Variants in SLC17A4 observed in about 807,000 individuals in gnomAD.
SLC17A4 encodes the protein probable small intestine urate exporter.
SLC17A4 carries 33 observed loss-of-function variants against 52.5 expected under a neutral mutation model. The ratio of observed to expected loss-of-function variants is 0.63; its 90% confidence interval spans 0.48 to 0.84. SLC17A4 has a LOEUF of 0.84. SLC17A4 is among the 40% of genes least tolerant of loss of function. SLC17A4 has a pLI of 0.00. For missense variants in SLC17A4, 585 were observed against 597.1 expected, an observed-to-expected ratio of 0.98 and a Z score of 0.21; for synonymous variants, 225 against 216.2, an observed-to-expected ratio of 1.04 and a Z score of -0.36.
intron 1 of SLC17A4, among the ~76,000 whole-genome samples, chr6:25,755,048 T>TACAC (rs35878702): frequency 0.043 from 6,194 of 144,992 alleles, 296 homozygotes; most frequent in African/African-American, 0.12. Flanking sequence ...CACACACACA[T>TACAC]ACACACACAC....
intron 11 of SLC17A4, 47 bp downstream of exon 11, chr6:25,778,063 G>A (rs1581432485): frequency 7.7e-7 from 1 of 1,295,382 alleles, no homozygotes; most frequent in Non-Finnish European, 1.1e-6. Context: ...AACCTATAGA[G>A]GCATGGTTTT....
intron 8 of SLC17A4, 62 bp from the exon 9 acceptor site, chr6:25,776,533 T>C (rs1762933654): frequency 1.3e-6 from 2 of 1,535,878 alleles, no homozygotes; most frequent in Non-Finnish European, 1.8e-6. Context: ...CTGTCCAAGG[T>C]TGTCTGTGTC....
At chr6:25,777,000 C>A in intron 10 of SLC17A4, 41 bp downstream of exon 10, 1 of 1,565,750 alleles carries the variant, frequency 6.4e-7, no homozygotes, top group South Asian at 1.2e-5. Flanking sequence ...ACACTCAATT[C>A]AAGTCTAGCA....
In SLC17A4 at chr6:25,770,374, T is replaced by C; in HGVS notation, c.532-10T>C. On this transcript the variant is annotated splice_polypyrimidine_tract_variant and intron_variant, in intron 4 of 11. Coordinates refer to ENST00000377905, the MANE Select transcript of SLC17A4 (RefSeq NM_005495.3). ...CCTCAGATCTCCAAGAATGGAATTT[T>C]TCCCCCCAGGTTATGGTATTAACTG... is the stretch of plus-strand genomic sequence containing the variant. 1.2e-6 allele frequency: 2 copies of C among 1,614,130 alleles called. No homozygotes were observed. The highest frequency in any genetic ancestry group is 1.7e-6 in the Non-Finnish European group (2 of 1,179,960).
At chr6:25,769,604 CATA>C (rs1447783186) in intron 3 of SLC17A4, among the ~76,000 whole-genome samples, 1 of 150,766 alleles carries the variant, frequency 6.6e-6, no homozygotes, top group East Asian at 1.9e-4. Flanking sequence ...GAATAAAGAA[CATA>C]ATAAGTATCT....
At position 25,761,941 on chromosome 6, in the gene SLC17A4, T is replaced by G. The variant is rs1761573552; in HGVS notation, c.-22T>G. ...TTTTATTTCAGTAAGTAAATGCCAG[T>G]CCCTAGGAAGAGAGAACCAAAATGT... On this transcript the variant is annotated 5_prime_UTR_variant, in exon 2 of 12. Transcript: ENST00000377905. 1.9e-6 allele frequency: 3 copies of G among 1,596,906 alleles called. No individual in the cohort carries two copies. In the East Asian group the frequency reaches 6.7e-5, roughly 36 times the overall value.
chr6:25,775,331 T>A (rs1472864497), intron 8 of SLC17A4, among the ~76,000 whole-genome samples: 2 of 147,690 alleles, frequency 1.4e-5, no homozygotes, highest in African/African-American at 2.5e-5. Flanking sequence ...AAACTCTGTC[T>A]AAAAAAAAAA....
At chr6:25,773,902 C>T (rs6456701) in intron 8 of SLC17A4, among the ~76,000 whole-genome samples, 138,312 of 152,184 alleles carry the variant, frequency 0.91, 62,978 homozygotes, top group East Asian at 0.98. Context: ...GATTTTCATA[C>T]ACTATCATAT....
chr6:25,759,245 T>C (rs9358888), intron 1 of SLC17A4, among the ~76,000 whole-genome samples: 47,472 of 151,850 alleles, frequency 0.31, 8,290 homozygotes, highest in East Asian at 0.75. Context: ...GAATGTCCCA[T>C]GTGCTGATGA....
At chr6:25,759,738 C>A (rs62392736) in intron 1 of SLC17A4, among the ~76,000 whole-genome samples, 15,857 of 152,242 alleles carry the variant, frequency 0.1, 1,046 homozygotes, top group Middle Eastern at 0.16. Context: ...CTAGTCCCAC[C>A]TCTTTACCTT....
chr6:25,760,825 G>A (rs2151421139), intron 1 of SLC17A4, among the ~76,000 whole-genome samples: 1 of 151,826 alleles, frequency 6.6e-6, no homozygotes, highest in Non-Finnish European at 1.5e-5. Flanking sequence ...ATTCTTTTTG[G>A]TATCTTTTTA....
chr6:25,757,825 C>T (rs1231791132), intron 1 of SLC17A4, among the ~76,000 whole-genome samples: 2 of 152,216 alleles, frequency 1.3e-5, no homozygotes, highest in Admixed American at 6.5e-5. Flanking sequence ...TCCACCAGTC[C>T]TCCCATGTCA....
rs932713539 is a variant in SLC17A4, at chr6:25,773,669, A to T, written c.982A>T (p.Arg328Ter). Residue 328 changes from arginine (R) to a stop codon, truncating the protein, a stop_gained, in exon 8 of 12, where the codon AGA becomes TGA. Transcript: ENST00000377905. LOFTEE classifies it high-confidence loss of function. Reference sequence around the variant, plus strand: ...CAGCTCGGTACTTCAAGCCAACCTCAGAGATGTAAGTACAGAGAAAGCTCA... The same window carrying T: ...CAGCTCGGTACTTCAAGCCAACCTCTGAGATGTAAGTACAGAGAAAGCTCA... ...YISSVLQANL[R>*]DSGILSALPF... 1.2e-6 allele frequency: 2 copies of T among 1,613,204 alleles called. No individual in the cohort carries two copies. Among genetic ancestry groups the T allele is most frequent in the Non-Finnish European group, 1.7e-6 (2 of 1,179,560 alleles).
chr6:25,770,156 C>T lies in SLC17A4; in HGVS notation c.387C>T (p.Gly129=), dbSNP rs750885204. The T allele has an allele frequency of 3.7e-6, 6 of 1,614,110 alleles. No individual in the cohort carries two copies. The South Asian group carries it at 6.6e-5, about 18-fold the overall frequency. Residue 129 remains glycine, a synonymous_variant, in exon 4 of 12, where the codon GGC becomes GGT. Coordinates refer to ENST00000377905, the MANE Select transcript of SLC17A4 (RefSeq NM_005495.3). ...YGSFLAPIPS[G]YVAGIFGAKY... ...CATTCTTGGCTCCAATCCCCAGTGG[C>T]TATGTGGCTGGAATATTTGGAGCCA... is the stretch of plus-strand genomic sequence containing the variant.
At chr6:25,764,239 T>C (rs1317829518) in intron 2 of SLC17A4, among the ~76,000 whole-genome samples, 2 of 152,160 alleles carry the variant, frequency 1.3e-5, no homozygotes, top group Non-Finnish European at 2.9e-5. Flanking sequence ...ATCCTGAGGA[T>C]TGTAGCTTCC....
intron 2 of SLC17A4, among the ~76,000 whole-genome samples, chr6:25,763,782 CAGTT>C (rs1761758613): frequency 6.6e-6 from 1 of 152,298 alleles, no homozygotes; most frequent in African/African-American, 2.4e-5. Context: ...CTATCAGTGT[CAGTT>C]AGGGATTTCT....
At chr6:25,761,893 C>A in intron 1 of SLC17A4, 34 bp from the exon 2 acceptor site, 1 of 1,261,218 alleles carries the variant, frequency 7.9e-7, no homozygotes, top group South Asian at 1.3e-5. Context: ...ATAAGATTCT[C>A]CCTGTATTTT....
chr6:25,762,688 G>T (rs1157121710), intron 2 of SLC17A4, among the ~76,000 whole-genome samples: 1 of 152,142 alleles, frequency 6.6e-6, no homozygotes, highest in African/African-American at 2.4e-5. Context: ...TAGCCAGTTT[G>T]TCTGTTAAGA....
chr6:25,755,289 G>A (rs975915620), intron 1 of SLC17A4, among the ~76,000 whole-genome samples: 22 of 152,096 alleles, frequency 1.4e-4, no homozygotes, highest in Middle Eastern at 3.2e-3. Flanking sequence ...GCGAATTTAT[G>A]GGAAAGCAAA....
Sources: gnomAD v4.1 joint callset for allele counts (sites outside exome capture counted in the v4.1 genomes callset) on GRCh38, gnomAD v4.1.1 for gene constraint, MANE v1.5 for transcripts, NCBI Gene and HGNC (gene_info 2026-07-23, HGNC 2026-07-21) for gene names.